AGBL4: variants seen among roughly 807,000 people sequenced by gnomAD.
AGBL4 encodes the protein cytosolic carboxypeptidase 6.
A neutral mutation model predicts 66.4 loss-of-function variants in AGBL4; 58 were observed. That is an observed-to-expected ratio of 0.87 (90% CI 0.71 to 1.09). The LOEUF (loss-of-function observed/expected upper bound fraction) is 1.09, where lower values mean the gene tolerates loss of function less well. Ranked by LOEUF, AGBL4 falls within the 50% of genes least tolerant of loss-of-function variation. AGBL4 has a pLI of 0.00. For synonymous variants in AGBL4, 234 were observed against 222.9 expected, an observed-to-expected ratio of 1.05 and a Z score of -0.44; for missense variants, 579 against 631.0, an observed-to-expected ratio of 0.92 and a Z score of 0.88.
At chr1:49,849,430 T>TG (rs1646248907) in intron 2 of AGBL4, among the ~76,000 whole-genome samples, 1 of 146,876 alleles carries the variant, frequency 6.8e-6, no homozygotes, top group African/African-American at 2.5e-5. Context: ...ATTATTATTA[T>TG]TATGTATATT....
chr1:50,016,043 A>G (rs1218666780), intron 1 of AGBL4, among the ~76,000 whole-genome samples: 1 of 152,236 alleles, frequency 6.6e-6, no homozygotes, highest in African/African-American at 2.4e-5. Context: ...AACTTGGGAA[A>G]TACCATTTTG....
At chr1:49,999,600 C>G (rs906374597) in intron 1 of AGBL4, among the ~76,000 whole-genome samples, 7 of 151,922 alleles carry the variant, frequency 4.6e-5, no homozygotes, top group African/African-American at 1.7e-4. Flanking sequence ...CACATGGAAC[C>G]AAAAAGAGCC....
At chr1:49,380,609 A>G (rs1461318671) in intron 3 of AGBL4, among the ~76,000 whole-genome samples, 1 of 151,902 alleles carries the variant, frequency 6.6e-6, no homozygotes, top group Admixed American at 6.6e-5. Context: ...ACAAGGCTAT[A>G]GTAACCAAAA....
intron 9 of AGBL4, among the ~76,000 whole-genome samples, chr1:48,625,611 C>T (rs926141186): frequency 9.9e-5 from 15 of 152,110 alleles, no homozygotes; most frequent in African/African-American, 2.9e-4. Context: ...TTCCAGGAGA[C>T]GAGCATTGCC....
intron 6 of AGBL4, among the ~76,000 whole-genome samples, chr1:48,778,306 T>C (rs1409130027): frequency 6.6e-6 from 1 of 152,242 alleles, no homozygotes; most frequent in East Asian, 1.9e-4. Context: ...ACCTGGATTC[T>C]TGGGCCTTGC....
At chr1:48,584,326 C>T (rs748743869) in intron 11 of AGBL4, 1 of 152,102 alleles carries the variant, frequency 6.6e-6, no homozygotes, top group African/African-American at 2.4e-5. Context: ...CCTAAGGGAC[C>T]ACTTACAGCT....
intron 1 of AGBL4, among the ~76,000 whole-genome samples, chr1:50,014,901 T>C (rs1661863118): frequency 6.6e-6 from 1 of 152,236 alleles, no homozygotes; most frequent in African/African-American, 2.4e-5. Context: ...GCACGTACTG[T>C]GCATTTCCAT....
At chr1:48,901,420 G>A (rs1412991334) in intron 5 of AGBL4, among the ~76,000 whole-genome samples, 1 of 152,138 alleles carries the variant, frequency 6.6e-6, no homozygotes, top group Non-Finnish European at 1.5e-5. Flanking sequence ...GTATATGGGT[G>A]TTAAAAGTAG....
At chr1:49,079,264 C>T (rs947457866) in intron 4 of AGBL4, among the ~76,000 whole-genome samples, 1 of 152,152 alleles carries the variant, frequency 6.6e-6, no homozygotes, top group Non-Finnish European at 1.5e-5. Context: ...GGATGGTAGA[C>T]AGTCAAGGTG....
At chr1:49,012,693 G>A (rs1662533402) in intron 5 of AGBL4, among the ~76,000 whole-genome samples, 1 of 152,188 alleles carries the variant, frequency 6.6e-6, no homozygotes, top group Non-Finnish European at 1.5e-5. Flanking sequence ...TGCTCTTTCA[G>A]TTTAAACATT....
intron 4 of AGBL4, among the ~76,000 whole-genome samples, chr1:49,141,728 T>C (rs1646121024): frequency 6.6e-6 from 1 of 152,028 alleles, no homozygotes; most frequent in Non-Finnish European, 1.5e-5. Context: ...GGTAACAAGT[T>C]TGAATGTTAC....
intron 1 of AGBL4, among the ~76,000 whole-genome samples, chr1:49,954,420 T>A (rs1236191489): frequency 6.6e-6 from 1 of 151,950 alleles, no homozygotes; most frequent in African/African-American, 2.4e-5. Context: ...TATGAAAGGA[T>A]GAGTTGTGGG....
intron 5 of AGBL4, among the ~76,000 whole-genome samples, chr1:49,037,077 A>C (rs1190400679): frequency 6.6e-6 from 1 of 152,110 alleles, no homozygotes; most frequent in Non-Finnish European, 1.5e-5. Flanking sequence ...ATAATAAAAA[A>C]AGAAAAAAGA....
At chr1:48,745,987 C>G (rs991292649) in intron 6 of AGBL4, among the ~76,000 whole-genome samples, 2 of 152,096 alleles carry the variant, frequency 1.3e-5, no homozygotes, top group Admixed American at 6.6e-5. Flanking sequence ...TTGAGGACAG[C>G]CAAGGACCGT....
chr1:49,052,904 T>C (rs1009383427), intron 4 of AGBL4, among the ~76,000 whole-genome samples: 1 of 152,218 alleles, frequency 6.6e-6, no homozygotes, highest in Non-Finnish European at 1.5e-5. Flanking sequence ...AGTCATTGTA[T>C]AGTAGAACTA....
chr1:49,565,129 C>T (rs1043394454), intron 3 of AGBL4, among the ~76,000 whole-genome samples: 12 of 152,030 alleles, frequency 7.9e-5, no homozygotes, highest in Non-Finnish European at 4.4e-5. Flanking sequence ...GATTGCAACC[C>T]CTGCCTTTTT....
At chr1:50,007,668 G>C (rs901009379) in intron 1 of AGBL4, among the ~76,000 whole-genome samples, 1 of 152,180 alleles carries the variant, frequency 6.6e-6, no homozygotes, top group Non-Finnish European at 1.5e-5. Flanking sequence ...TCAGGAGGCT[G>C]AGGCAAGATG....
intron 3 of AGBL4, among the ~76,000 whole-genome samples, chr1:49,317,016 A>G (rs1645050378): frequency 6.6e-6 from 1 of 151,910 alleles, no homozygotes; most frequent in Non-Finnish European, 1.5e-5. Flanking sequence ...TATTAAGAAA[A>G]AAACATATAT....
chr1:48,853,702 C>T (rs1275521025), intron 6 of AGBL4, among the ~76,000 whole-genome samples: 1 of 152,106 alleles, frequency 6.6e-6, no homozygotes, highest in Admixed American at 6.5e-5. Flanking sequence ...CAAAATTGAT[C>T]GTTTTTTCCT....
Sources: gnomAD v4.1 joint callset for allele counts (sites outside exome capture counted in the v4.1 genomes callset) on GRCh38, gnomAD v4.1.1 for gene constraint, MANE v1.5 for transcripts, NCBI Gene and HGNC (gene_info 2026-07-23, HGNC 2026-07-21) for gene names.